The following FBXL13 variants were observed in gnomAD, a reference collection of about 807,000 sequenced individuals.
The protein encoded by FBXL13 is F-box and leucine rich repeat protein 13.
FBXL13 carries 67 observed loss-of-function variants against 83.6 expected under a neutral mutation model. The observed-to-expected ratio is 0.80, with a 90% CI of 0.66 to 0.98. The LOEUF is 0.98. Ranked by LOEUF, FBXL13 falls within the 50% of genes least tolerant of loss-of-function variation. The pLI is 0.00. For missense variants in FBXL13, 822 were observed against 866.5 expected, an observed-to-expected ratio of 0.95 and a Z score of 0.64; for synonymous variants, 272 against 299.5, an observed-to-expected ratio of 0.91 and a Z score of 0.95.
intron 2 of FBXL13, among the ~76,000 whole-genome samples, chr7:103,033,652 G>A (rs964006555): frequency 1.3e-5 from 2 of 152,116 alleles, no homozygotes; most frequent in Non-Finnish European, 2.9e-5. Flanking sequence ...TTGGCTTCAG[G>A]AGTGAAGCTG....
Position 102,834,111 on chromosome 7 carries a change from AAAG to A in FBXL13, c.1720-1140_1720-1138del, listed in dbSNP as rs1297654846. Among the ~76,000 whole-genome samples, 138 of 114,268 alleles carry A rather than the reference AAAG, an allele frequency of 1.2e-3. 1 individual carries two copies. Among genetic ancestry groups the A allele is most frequent in the African/African-American group, 3.0e-3 (69 of 23,180 alleles). The allele number at this position is 114,268 out of a possible 152,430, so 75.0% of individuals were successfully genotyped here. ...AAAAGAAAGAAAGAAAGAAAGAAAGAAAGAAAGAAAGAAAGAAAGAAAGAAAGA... is the reference window on the plus strand; with the variant it reads ...AAAAGAAAGAAAGAAAGAAAGAAAGAAAAGAAAGAAAGAAAGAAAGAAAGA... On this transcript the variant is annotated intron_variant, in intron 17 of 19. Coordinates refer to ENST00000313221, the Ensembl canonical transcript of FBXL13.
intron 8 of FBXL13, chr7:102,939,304 T>C (rs959621867): frequency 3.9e-5 from 29 of 737,282 alleles, no homozygotes; most frequent in African/African-American, 3.7e-4. Flanking sequence ...CTAACTTTCT[T>C]TGGCTTTAGA....
intron 18 of FBXL13, among the ~76,000 whole-genome samples, chr7:102,826,378 A>G (rs531273081): frequency 6.6e-6 from 1 of 152,258 alleles, no homozygotes; most frequent in East Asian, 1.9e-4. Context: ...AGAGAGTCCA[A>G]GTTTTTGCCC....
chr7:102,924,727 C>T (rs62484947), intron 10 of FBXL13, among the ~76,000 whole-genome samples: 1 of 150,364 alleles, frequency 6.7e-6, no homozygotes, highest in Non-Finnish European at 1.5e-5. Flanking sequence ...CTGCAAGCTC[C>T]GCCTCCTGGG....
At chr7:102,944,284 G>T (rs531608842) in intron 8 of FBXL13, 2 of 1,613,898 alleles carry the variant, frequency 1.2e-6, no homozygotes, top group Non-Finnish European at 1.7e-6. Context: ...TGACTATGGC[G>T]TATTAGAAGA....
intron 2 of FBXL13, among the ~76,000 whole-genome samples, chr7:103,055,410 T>C (rs1797238957): frequency 6.6e-6 from 1 of 152,110 alleles, no homozygotes; most frequent in South Asian, 2.1e-4. Context: ...CAACTTGAAA[T>C]AAACCGGCCC....
Position 102,825,607 on chromosome 7 carries a change from T to G in FBXL13, c.1855-3404A>C, listed in dbSNP as rs563561282. On this transcript the variant is annotated intron_variant, in intron 18 of 19. Coordinates refer to ENST00000313221, the Ensembl canonical transcript of FBXL13. ...TATGACCACTTTTGTGGCTCTTGTTTACGAATTTTCACATTGCTTCACAAA... is the reference window on the plus strand; with the variant it reads ...TATGACCACTTTTGTGGCTCTTGTTGACGAATTTTCACATTGCTTCACAAA... Among the ~76,000 whole-genome samples, 8 of 152,322 alleles carry G rather than the reference T, an allele frequency of 5.3e-5. No homozygotes were observed. The South Asian group carries it at 1.7e-3, about 32-fold the overall frequency.
intron 9 of FBXL13, among the ~76,000 whole-genome samples, chr7:102,929,762 A>T (rs1259998934): frequency 6.6e-6 from 1 of 151,680 alleles, no homozygotes; most frequent in Non-Finnish European, 1.5e-5. Context: ...ATGAAGGGTG[A>T]CTGTTGATGG....
rs191589636 is a variant in FBXL13 at position 102,889,776 on chromosome 7, C to T, written c.1009-5464G>A. ...TTGTTTTTTATGACAATTCTAAATT[C>T]CCCCCATTCCAGACCTTAGTTCATA... is the stretch of plus-strand genomic sequence containing the variant. On this transcript the variant is annotated intron_variant, in intron 11 of 19. Coordinates refer to ENST00000313221, the Ensembl canonical transcript of FBXL13. 3.9e-5 allele frequency among the ~76,000 whole-genome samples: 6 copies of T among 152,214 alleles called. No homozygotes were observed. The East Asian group carries it at 1.2e-3, about 29-fold the overall frequency.
intron 18 of FBXL13, chr7:102,827,171 G>A (rs575121905): frequency 1.7e-4 from 78 of 454,770 alleles, no homozygotes; most frequent in African/African-American, 1.5e-3. Context: ...TAGCCTCTTG[G>A]AATGTGTTAC....
chr7:102,843,643 G>T (rs539731966), intron 17 of FBXL13, among the ~76,000 whole-genome samples: 2 of 152,072 alleles, frequency 1.3e-5, no homozygotes, highest in South Asian at 2.1e-4. Flanking sequence ...AGACATGGTC[G>T]TGGGCACCTG....
chr7:102,994,785 T>C (rs754769991), intron 6 of FBXL13, among the ~76,000 whole-genome samples: 11 of 152,182 alleles, frequency 7.2e-5, no homozygotes, highest in South Asian at 2.1e-4. Flanking sequence ...GATTGGTCAG[T>C]GCAGGCTACA....
At chr7:102,909,670 CTAGAAATG>C (rs1190387066) in intron 11 of FBXL13, among the ~76,000 whole-genome samples, 1 of 152,164 alleles carries the variant, frequency 6.6e-6, no homozygotes, top group East Asian at 1.9e-4. Context: ...CAGAGTGTGT[CTAGAAATG>C]TAACTTGGGA....
chr7:103,034,038 C>T (rs1197668356), intron 2 of FBXL13, among the ~76,000 whole-genome samples: 2 of 152,006 alleles, frequency 1.3e-5, no homozygotes, highest in African/African-American at 2.4e-5. Flanking sequence ...TTCACAAACC[C>T]TGAGCTAGAC....
intron 8 of FBXL13, among the ~76,000 whole-genome samples, chr7:102,957,896 G>A (rs28817087): frequency 0.053 from 8,101 of 152,244 alleles, 293 homozygotes; most frequent in South Asian, 0.13. Context: ...ACAGATGCTG[G>A]AGAGGATGTG....
At chr7:102,890,001 G>A (rs147359768) in intron 11 of FBXL13, among the ~76,000 whole-genome samples, 1 of 151,916 alleles carries the variant, frequency 6.6e-6, no homozygotes, top group Non-Finnish European at 1.5e-5. Flanking sequence ...TCCAGAAAGT[G>A]GGGGGTGGGG....
At chr7:103,022,543 C>G (rs1015066741) in intron 6 of FBXL13, among the ~76,000 whole-genome samples, 39 of 151,592 alleles carry the variant, frequency 2.6e-4, no homozygotes, top group Non-Finnish European at 5.3e-4. Flanking sequence ...TGCCACACAT[C>G]TACACAATCA....
At chr7:102,925,844 C>T (rs546233399) in intron 10 of FBXL13, among the ~76,000 whole-genome samples, 2 of 150,944 alleles carry the variant, frequency 1.3e-5, no homozygotes, top group East Asian at 2.0e-4. Context: ...AGGAGGCTGA[C>T]GCATGAGAAT....
At chr7:103,073,166 AGTTTGGCATAG>A (rs1799169648) in intron 1 of FBXL13, among the ~76,000 whole-genome samples, 1 of 152,250 alleles carries the variant, frequency 6.6e-6, no homozygotes, top group African/African-American at 2.4e-5. Flanking sequence ...TGTTATTAAC[AGTTTGGCATAG>A]GTTCTATGCA....
Sources: gnomAD v4.1 joint callset for allele counts (sites outside exome capture counted in the v4.1 genomes callset) on GRCh38, gnomAD v4.1.1 for gene constraint, MANE v1.5 for transcripts, NCBI Gene and HGNC (gene_info 2026-07-23, HGNC 2026-07-21) for gene names.